The following CNOT6 variants were observed in gnomAD, a reference collection of about 807,000 sequenced individuals.
CNOT6 encodes the protein carbon catabolite repression 4 protein.
Under a neutral mutation model 61.2 loss-of-function variants are expected in CNOT6, and 12 were observed. The observed-to-expected ratio is 0.20, with a 90% confidence interval of 0.13 to 0.32. CNOT6 has a LOEUF of 0.32. CNOT6 is among the 10% of genes least tolerant of loss of function. The pLI is 1.00. For synonymous variants in CNOT6, 225 were observed against 240.6 expected, an observed-to-expected ratio of 0.94 and a Z score of 0.60; for missense variants, 405 against 663.9, an observed-to-expected ratio of 0.61 and a Z score of 4.28.
chr5:180,499,621 G>A (rs954347045), intron 1 of CNOT6, among the ~76,000 whole-genome samples: 2 of 152,226 alleles, frequency 1.3e-5, no homozygotes, highest in Non-Finnish European at 2.9e-5. Flanking sequence ...TACAAATGGG[G>A]TTGGGGTACA....
At chr5:180,565,678 A>G (rs902949920) in intron 6 of CNOT6, 142 bp from the exon 7 acceptor site, 5 of 665,968 alleles carry the variant, frequency 7.5e-6, no homozygotes, top group Non-Finnish European at 1.2e-5. Flanking sequence ...TATCCCCCAT[A>G]TGTGGCGTAC....
intron 2 of CNOT6, among the ~76,000 whole-genome samples, chr5:180,539,855 C>T (rs557979427): frequency 1.7e-3 from 255 of 152,084 alleles, no homozygotes; most frequent in African/African-American, 5.7e-3. Context: ...TCCCAAAGTG[C>T]TGGGATTACA....
intron 4 of CNOT6, among the ~76,000 whole-genome samples, chr5:180,560,583 G>C (rs527957230): frequency 1.3e-5 from 2 of 152,030 alleles, no homozygotes; most frequent in East Asian, 3.9e-4. Context: ...CAAATCTTTC[G>C]TCATTCCAAT....
chr5:180,543,280 C>T (rs1033097475), intron 2 of CNOT6, among the ~76,000 whole-genome samples: 32 of 152,222 alleles, frequency 2.1e-4, no homozygotes, highest in African/African-American at 3.9e-4. Flanking sequence ...AGGATGGTCT[C>T]GATCTCCTGA....
At chr5:180,498,930 C>T (rs1477392512) in intron 1 of CNOT6, among the ~76,000 whole-genome samples, 4 of 152,312 alleles carry the variant, frequency 2.6e-5, no homozygotes, top group South Asian at 2.1e-4. Flanking sequence ...GCTGGGATTA[C>T]GGGCTCCTGC....
At chr5:180,550,240 A>G in intron 3 of CNOT6, 123 bp downstream of exon 3, 2 of 660,412 alleles carry the variant, frequency 3.0e-6, no homozygotes, top group Admixed American at 2.8e-5. Context: ...TCATGAGGTC[A>G]GGAGATCGAG....
intron 1 of CNOT6, among the ~76,000 whole-genome samples, chr5:180,525,027 T>C (rs913946088): frequency 1.7e-4 from 26 of 152,082 alleles, no homozygotes; most frequent in African/African-American, 6.3e-4. Context: ...CCTTACCATA[T>C]GGTTCTCTAG....
At chr5:180,550,205 A>G in intron 3 of CNOT6, 88 bp downstream of exon 3, 2 of 1,043,822 alleles carry the variant, frequency 1.9e-6, no homozygotes, top group Admixed American at 4.1e-5. Context: ...CTGTAATTCT[A>G]GCGTTTTGGG....
intron 2 of CNOT6, among the ~76,000 whole-genome samples, chr5:180,545,409 T>C (rs1759264656): frequency 6.6e-6 from 1 of 152,240 alleles, no homozygotes; most frequent in Non-Finnish European, 1.5e-5. Context: ...ATAAATGATG[T>C]TATACAGTAT....
chr5:180,509,508 T>G (rs1042305731), intron 1 of CNOT6, among the ~76,000 whole-genome samples: 113 of 152,138 alleles, frequency 7.4e-4, no homozygotes, highest in African/African-American at 2.6e-3. Flanking sequence ...CAATGGCGGA[T>G]TCTCGTCTCA....
intron 4 of CNOT6, among the ~76,000 whole-genome samples, chr5:180,558,285 A>AGG (rs949795748): frequency 6.6e-6 from 1 of 152,102 alleles, no homozygotes; most frequent in Middle Eastern, 3.4e-3. Flanking sequence ...ATGGGAGGAG[A>AGG]GGGAGATGGC....
chr5:180,498,999 C>G (rs1756745949), intron 1 of CNOT6, among the ~76,000 whole-genome samples: 1 of 152,118 alleles, frequency 6.6e-6, no homozygotes, highest in African/African-American at 2.4e-5. Context: ...CCATGTTGGC[C>G]AGGCTGGCTT....
intron 1 of CNOT6, among the ~76,000 whole-genome samples, chr5:180,523,416 T>C (rs756365628): frequency 2.1e-4 from 32 of 151,760 alleles, no homozygotes; most frequent in Non-Finnish European, 3.1e-4. Context: ...ACAAATCCTT[T>C]TCCCAGGGGC....
chr5:180,559,567 G>A (rs116153490), intron 4 of CNOT6, among the ~76,000 whole-genome samples: 1 of 152,044 alleles, frequency 6.6e-6, no homozygotes, highest in African/African-American at 2.4e-5. Flanking sequence ...CTTTTAATTG[G>A]TATATTTAGA....
rs952640953 is a variant in CNOT6, at chr5:180,577,149, G to C, written c.*2949G>C. On this transcript the variant is annotated 3_prime_UTR_variant, in exon 12 of 12. Coordinates refer to ENST00000261951, the MANE Select transcript of CNOT6 (RefSeq NM_001370472.1). Reference sequence around the variant, plus strand: ...TTTCATAGTCCCAAAGATAGGCAGAGAACATCTCCAGAAATGTGTGTGTGT... The same window carrying C: ...TTTCATAGTCCCAAAGATAGGCAGACAACATCTCCAGAAATGTGTGTGTGT... 17 of 124,188 alleles carry C rather than the reference G, an allele frequency of 1.4e-4. No homozygotes were observed. The highest frequency in any genetic ancestry group is 4.6e-4 in the African/African-American group (17 of 36,638). The allele number at this position is 124,188 out of a possible 1,614,324, so 7.7% of individuals were successfully genotyped here. A position where few individuals can be genotyped will look rare whatever the true frequency, so the allele number is the denominator to read the frequency against.
intron 1 of CNOT6, among the ~76,000 whole-genome samples, chr5:180,506,098 A>G (rs1380846869): frequency 6.6e-6 from 1 of 152,214 alleles, no homozygotes; most frequent in African/African-American, 2.4e-5. Context: ...GGTAGAATAG[A>G]AAGACTAGCT....
chr5:180,505,305 G>A (rs71598629), intron 1 of CNOT6, among the ~76,000 whole-genome samples: 26,837 of 74,614 alleles, frequency 0.36, 7,693 homozygotes, highest in Non-Finnish European at 0.5. Context: ...GCCCAGTCTG[G>A]ACTGCAGTGG....
At chr5:180,554,034 T>G (rs948928509) in intron 4 of CNOT6, among the ~76,000 whole-genome samples, 4 of 152,262 alleles carry the variant, frequency 2.6e-5, no homozygotes, top group Non-Finnish European at 5.9e-5. Flanking sequence ...TTTTATCATG[T>G]TAAGCAGTTC....
At chr5:180,550,836 G>C (rs1459768719) in intron 3 of CNOT6, among the ~76,000 whole-genome samples, 1 of 152,248 alleles carries the variant, frequency 6.6e-6, no homozygotes, top group East Asian at 1.9e-4. Flanking sequence ...GTAAAGCCTG[G>C]ACTTGAAGGA....
Sources: allele counts gnomAD v4.1 joint callset (sites outside exome capture counted in the v4.1 genomes callset), GRCh38; gene constraint gnomAD v4.1.1; transcripts MANE v1.5; gene names NCBI Gene and HGNC (gene_info 2026-07-23, HGNC 2026-07-21).